Variants in UBE2B observed in about 807,000 individuals in gnomAD.
The protein encoded by UBE2B is ubiquitin-conjugating enzyme E2 B.
UBE2B carries 11 observed loss-of-function variants against 24.6 expected under a neutral mutation model. The ratio of observed to expected loss-of-function variants is 0.45; its 90% CI spans 0.28 to 0.74. The LOEUF (loss-of-function observed/expected upper bound fraction) is 0.74. Ranked by LOEUF, UBE2B falls within the 30% of genes least tolerant of loss-of-function variation. UBE2B has a pLI of 0.13. For synonymous variants in UBE2B, 68 were observed against 62.4 expected, an observed-to-expected ratio of 1.09 and a Z score of -0.42; for missense variants, 78 against 185.6, an observed-to-expected ratio of 0.42 and a Z score of 3.37.
At chr5:134,371,744 G>A in intron 1 of UBE2B, 105 bp downstream of exon 1, 1 of 1,534,634 alleles carries the variant, frequency 6.5e-7, no homozygotes, top group Non-Finnish European at 8.9e-7. Context: ...AGGGCCGGCT[G>A]TGGGCCCAGC....
In UBE2B at chr5:134,390,281, T is replaced by G. The variant is rs972625854; in HGVS notation, c.387T>G (p.Leu129=). The G allele has an allele frequency of 5.0e-6, 8 of 1,614,162 alleles. No individual in the cohort carries two copies. The East Asian group carries it at 1.8e-4, about 36-fold the overall frequency. The change falls in exon 6 of 6, where the codon CTT becomes CTG. Residue 129 remains leucine (L), a synonymous_variant. Coordinates refer to ENST00000265339, the MANE Select transcript of UBE2B (RefSeq NM_003337.4). The surrounding 1 kb of genome is among the most constrained non-coding windows in gnomAD (Gnocchi z 4.6). ...CAGCCAATAGCCAGGCAGCACAGCT[T>G]TATCAGGAAAACAAACGAGAATATG... The part of the protein sequence containing the change: ...NSPANSQAAQ[L]YQENKREYEK...
intron 3 of UBE2B, among the ~76,000 whole-genome samples, chr5:134,378,854 G>T (rs957332125): frequency 1.8e-4 from 27 of 151,450 alleles, no homozygotes; most frequent in African/African-American, 6.3e-4. Flanking sequence ...GCTTGAACCT[G>T]GGAGGCAGAG....
chr5:134,379,705 T>TTG (rs1287681073), intron 3 of UBE2B, among the ~76,000 whole-genome samples: 1 of 151,770 alleles, frequency 6.6e-6, no homozygotes, highest in Admixed American at 6.6e-5. Context: ...AAGTACATAT[T>TTG]TGTGTGAGGC....
At chr5:134,379,996 A>C (rs982372313) in intron 3 of UBE2B, among the ~76,000 whole-genome samples, 2 of 151,842 alleles carry the variant, frequency 1.3e-5, no homozygotes, top group Non-Finnish European at 2.9e-5. Context: ...GCTCACAGCA[A>C]CCTCCGCCTC....
At chr5:134,379,766 C>T (rs1390997313) in intron 3 of UBE2B, among the ~76,000 whole-genome samples, 1 of 151,898 alleles carries the variant, frequency 6.6e-6, no homozygotes, top group African/African-American at 2.4e-5. Context: ...AGATGGAGTG[C>T]AGAAGCAGAT....
Position 134,381,011 on chromosome 5 carries a change from G to T in UBE2B, c.241+203G>T, listed in dbSNP as rs1581322886. Among the ~76,000 whole-genome samples the T allele has an allele frequency of 2.4e-5, 3 of 124,346 alleles. No homozygotes were observed. In the South Asian group the frequency reaches 8.2e-4, roughly 34 times the overall value. The allele number at this position is 124,346 out of a possible 152,430, so 81.6% of individuals were successfully genotyped here. A position where few individuals can be genotyped will look rare whatever the true frequency, so the allele number is the denominator to read the frequency against. On this transcript the variant is annotated intron_variant, in intron 4 of 5. Coordinates refer to ENST00000265339, the MANE Select transcript of UBE2B (RefSeq NM_003337.4). ...AGACGGAGTCTCGCTCTGTCGCCCA[G>T]GCTGGAGTGCAGTGGCGCGATCTCG... is the stretch of plus-strand genomic sequence containing the variant.
At chr5:134,376,364 T>TATATATATATATACAC (rs70976528) in intron 2 of UBE2B, among the ~76,000 whole-genome samples, 2 of 79,504 alleles carry the variant, frequency 2.5e-5, no homozygotes, top group African/African-American at 5.2e-5. Flanking sequence ...TATATATATA[T>TATATATATATATACAC]ACACATATGT....
chr5:134,380,339 A>G (rs970894815), intron 3 of UBE2B, among the ~76,000 whole-genome samples: 3 of 152,286 alleles, frequency 2.0e-5, no homozygotes, highest in Admixed American at 2.0e-4. Context: ...ACCTCCTGGG[A>G]GGGTCCTTTG....
chr5:134,384,308 T>C (rs1344335534), intron 4 of UBE2B, among the ~76,000 whole-genome samples: 1 of 152,158 alleles, frequency 6.6e-6, no homozygotes, highest in Non-Finnish European at 1.5e-5. Flanking sequence ...ATACTACCTT[T>C]GGCACTTCAT....
At chr5:134,386,600 C>G (rs552220181) in intron 4 of UBE2B, among the ~76,000 whole-genome samples, 1 of 151,668 alleles carries the variant, frequency 6.6e-6, no homozygotes, top group Admixed American at 6.6e-5. Flanking sequence ...CCATTGCACT[C>G]CATCCTGGGC....
intron 4 of UBE2B, among the ~76,000 whole-genome samples, chr5:134,381,556 G>A (rs1581323199): frequency 6.6e-6 from 1 of 152,124 alleles, no homozygotes; most frequent in Non-Finnish European, 1.5e-5. Flanking sequence ...ACAGGAATGG[G>A]CCATTTTTTC....
In UBE2B at chr5:134,380,777, T is replaced by A; in HGVS notation, c.210T>A (p.Val70=). 6.3e-7 allele frequency: 1 copy of A among 1,595,406 alleles called. No homozygotes were observed. Among genetic ancestry groups the A allele is most frequent in the Non-Finnish European group, 8.6e-7 (1 of 1,163,740 alleles). Residue 70 remains valine, a synonymous_variant, in exon 4 of 6, where the codon GTT becomes GTA. Coordinates refer to ENST00000265339, the MANE Select transcript of UBE2B (RefSeq NM_003337.4). The stretch of plus-strand genomic sequence containing the variant: ...AATATCCAAATAAACCACCAACTGT[T>A]AGGTTTTTATCCAAAATGTTTCATC... ...SEEYPNKPPT[V]RFLSKMFHPN... is the part of the protein sequence containing the mutation.
intron 4 of UBE2B, among the ~76,000 whole-genome samples, chr5:134,383,596 C>A (rs1484124297): frequency 6.8e-6 from 1 of 147,948 alleles, no homozygotes; most frequent in Non-Finnish European, 1.5e-5. Context: ...GATTCTCTTG[C>A]CTCAGCCTCC....
chr5:134,390,265 G>A lies in UBE2B; in HGVS notation c.371G>A (p.Ser124Asn), dbSNP rs1262734402. ...DEPNPNSPAN[S>N]QAAQLYQENK... is the part of the protein sequence containing the mutation. ...CCGAATCCTAACAGTCCAGCCAATA[G>A]CCAGGCAGCACAGCTTTATCAGGAA... is the stretch of plus-strand genomic sequence containing the variant. Residue 124 changes from serine to asparagine, a missense_variant, in exon 6 of 6, where the codon AGC becomes AAC. Coordinates refer to ENST00000265339, the MANE Select transcript of UBE2B (RefSeq NM_003337.4). The surrounding 1 kb of genome is among the most constrained non-coding windows in gnomAD (Gnocchi z 4.6). The A allele has an allele frequency of 2.5e-6, 4 of 1,614,088 alleles. No individual in the cohort carries two copies. Among genetic ancestry groups the A allele is most frequent in the Non-Finnish European group, 3.4e-6 (4 of 1,180,000 alleles).
chr5:134,375,344 A>ATC (rs1325223042), intron 2 of UBE2B, among the ~76,000 whole-genome samples: 1 of 152,066 alleles, frequency 6.6e-6, no homozygotes, highest in Non-Finnish European at 1.5e-5. Flanking sequence ...TCTAGACTTG[A>ATC]TCTATTTTTT....
intron 1 of UBE2B, among the ~76,000 whole-genome samples, chr5:134,372,377 C>T (rs1213598475): frequency 1.3e-5 from 2 of 152,098 alleles, no homozygotes; most frequent in African/African-American, 4.8e-5. Flanking sequence ...CTCCCTGGGC[C>T]TCCTTTGGTA....
chr5:134,388,551 C>G (rs973730442), intron 5 of UBE2B, 138 bp downstream of exon 5: 26 of 756,776 alleles, frequency 3.4e-5, no homozygotes, highest in Non-Finnish European at 5.6e-5. Flanking sequence ...TCAGTAGTGC[C>G]TACTTGGGAT....
At chr5:134,389,957 A>G in intron 5 of UBE2B, 3 of 411,588 alleles carry the variant, frequency 7.3e-6, no homozygotes, top group South Asian at 6.4e-5. Context: ...TTAGGATTAC[A>G]GGCACAAGCC....
intron 1 of UBE2B, among the ~76,000 whole-genome samples, chr5:134,373,088 A>G (rs574197914): frequency 2.0e-5 from 3 of 152,306 alleles, no homozygotes; most frequent in East Asian, 1.9e-4. Flanking sequence ...GAATTTGACT[A>G]TGACGAATGT....
Sources: allele counts gnomAD v4.1 joint callset (sites outside exome capture counted in the v4.1 genomes callset), GRCh38; gene constraint gnomAD v4.1.1; non-coding constraint Gnocchi (gnomAD v3.1); transcripts MANE v1.5; gene names NCBI Gene and HGNC (gene_info 2026-07-23, HGNC 2026-07-21).